RBFOX1: variants seen among roughly 807,000 people sequenced by gnomAD.
The protein encoded by RBFOX1 is RNA binding fox-1 homolog 1.
RBFOX1 carries 8 observed loss-of-function variants against 57.7 expected under a neutral mutation model. That is an observed-to-expected ratio of 0.14 (90% CI 0.08 to 0.25). The LOEUF (loss-of-function observed/expected upper bound fraction) is 0.25, where lower values mean the gene tolerates loss of function less well. RBFOX1 is among the 10% of genes least tolerant of loss of function. The pLI is 1.00. For synonymous variants in RBFOX1, 326 were observed against 222.4 expected, an observed-to-expected ratio of 1.47 and a Z score of -4.15; for missense variants, 611 against 548.5, an observed-to-expected ratio of 1.11 and a Z score of -1.14.
chr16:6,237,651 G>A (rs922363160), intron 1 of RBFOX1, among the ~76,000 whole-genome samples: 2 of 151,610 alleles, frequency 1.3e-5, no homozygotes, highest in Admixed American at 1.3e-4. Context: ...GTGGGGAAGA[G>A]AATTGTTTGA....
At chr16:6,836,598 G>A (rs2093116058) in intron 3 of RBFOX1, among the ~76,000 whole-genome samples, 1 of 152,124 alleles carries the variant, frequency 6.6e-6, no homozygotes, top group Non-Finnish European at 1.5e-5. Flanking sequence ...TTCAAGACTT[G>A]GCTCAAGGGG....
At position 5,854,377 on chromosome 16, in the gene RBFOX1, C is replaced by A. The variant is rs181082662; in HGVS notation, c.319-12926C>A. Among the ~76,000 whole-genome samples, 3 of 152,306 alleles carry A rather than the reference C, an allele frequency of 2.0e-5. No homozygotes were observed. The East Asian group carries it at 5.8e-4, about 29-fold the overall frequency. ...TGCCTGGCAACCATCATTCTAGTCT[C>A]CGCTTTTGTGAGTTAAACTCTTTTA... On this transcript the variant is annotated intron_variant, in intron 3 of 19. Transcript: ENST00000641259.
At chr16:5,495,160 C>T (rs1237249379) in intron 2 of RBFOX1, among the ~76,000 whole-genome samples, 1 of 152,158 alleles carries the variant, frequency 6.6e-6, no homozygotes, top group African/African-American at 2.4e-5. Flanking sequence ...GGGAAGCAGG[C>T]ACATCTTTAC....
rs139959481 is a variant in RBFOX1, at chr16:6,931,340, T to TCTATCTAC, written c.-15-120717_-15-120716insCTATCTAC. On this transcript the variant is annotated intron_variant, in intron 3 of 15. Transcript: ENST00000550418. ...ATCTATCTATCTATCTATCTATCTCTACACACACACACACACACACACATA... is the reference window on the plus strand; with the variant it reads ...ATCTATCTATCTATCTATCTATCTCTCTATCTACACACACACACACACACACACACATA... Among the ~76,000 whole-genome samples, 144 of 106,974 alleles carry TCTATCTAC rather than the reference T, an allele frequency of 1.3e-3. 2 individuals are homozygous for TCTATCTAC. Among genetic ancestry groups the TCTATCTAC allele is most frequent in the African/African-American group, 3.7e-3 (111 of 30,190 alleles). The allele number at this position is 106,974 out of a possible 152,430, so 70.2% of individuals were successfully genotyped here. A position where few individuals can be genotyped will look rare whatever the true frequency, so the allele number is the denominator to read the frequency against.
intron 4 of RBFOX1, among the ~76,000 whole-genome samples, chr16:7,204,275 G>C (rs976913902): frequency 6.6e-6 from 1 of 152,158 alleles, no homozygotes; most frequent in African/African-American, 2.4e-5. Context: ...ATCACTCAAG[G>C]CCATTGTGTG....
intron 4 of RBFOX1, among the ~76,000 whole-genome samples, chr16:5,999,918 G>T (rs2060566146): frequency 7.8e-6 from 1 of 128,044 alleles, no homozygotes; most frequent in African/African-American, 3.0e-5. Flanking sequence ...GAGTGAAGAA[G>T]GGAAATCAGA....
At chr16:6,675,520 AC>A (rs1280422274) in intron 3 of RBFOX1, among the ~76,000 whole-genome samples, 2 of 152,128 alleles carry the variant, frequency 1.3e-5, no homozygotes, top group African/African-American at 4.8e-5. Context: ...TCATTGCTGA[AC>A]CAGGCCCTGC....
At chr16:6,541,715 T>C (rs1319571206) in intron 2 of RBFOX1, among the ~76,000 whole-genome samples, 2 of 152,200 alleles carry the variant, frequency 1.3e-5, no homozygotes, top group African/African-American at 2.4e-5. Flanking sequence ...GAGATGATGG[T>C]AGCTGCTAAG....
At chr16:7,634,399 T>C (rs1259288649) in intron 11 of RBFOX1, among the ~76,000 whole-genome samples, 12 of 151,944 alleles carry the variant, frequency 7.9e-5, no homozygotes, top group South Asian at 2.1e-4. Flanking sequence ...TTTTTTTTTT[T>C]CGAGACTTAA....
At chr16:7,409,012 C>G (rs187070969) in intron 4 of RBFOX1, among the ~76,000 whole-genome samples, 1 of 152,302 alleles carries the variant, frequency 6.6e-6, no homozygotes, top group East Asian at 1.9e-4. Context: ...CCCCTACTTT[C>G]TCCTGGGCTG....
chr16:7,238,535 C>CA (rs2093891683), intron 4 of RBFOX1, among the ~76,000 whole-genome samples: 1 of 79,258 alleles, frequency 1.3e-5, no homozygotes, highest in South Asian at 3.0e-4. Flanking sequence ...CCTTGGGCTA[C>CA]ACACGCACCT....
chr16:5,934,507 C>G (rs1054785120), intron 4 of RBFOX1, among the ~76,000 whole-genome samples: 1 of 152,174 alleles, frequency 6.6e-6, no homozygotes, highest in African/African-American at 2.4e-5. Context: ...CCAAGATATC[C>G]TGGCCTAGTC....
intron 2 of RBFOX1, among the ~76,000 whole-genome samples, chr16:6,376,636 C>T (rs1406569596): frequency 6.6e-6 from 1 of 152,140 alleles, no homozygotes; most frequent in Non-Finnish European, 1.5e-5. Flanking sequence ...GTTTGTGAAA[C>T]CAGCAGTCCT....
chr16:5,334,375 C>G (rs1176019255), intron 1 of RBFOX1, among the ~76,000 whole-genome samples: 4 of 152,072 alleles, frequency 2.6e-5, no homozygotes, highest in Non-Finnish European at 5.9e-5. Flanking sequence ...TTAAGGGGAA[C>G]CTTAAAATGG....
intron 4 of RBFOX1, among the ~76,000 whole-genome samples, chr16:5,902,015 G>T (rs546397547): frequency 2.2e-4 from 34 of 152,244 alleles, no homozygotes; most frequent in African/African-American, 5.5e-4. Context: ...TTATTACTCA[G>T]TTATTCATGT....
chr16:7,540,486 T>G (rs146890489), intron 5 of RBFOX1, among the ~76,000 whole-genome samples: 21 of 152,346 alleles, frequency 1.4e-4, no homozygotes, highest in African/African-American at 4.6e-4. Context: ...ATTAAAGTGT[T>G]TGTCACAGAG....
chr16:6,934,666 A>C (rs1384001199), intron 3 of RBFOX1, among the ~76,000 whole-genome samples: 2 of 152,028 alleles, frequency 1.3e-5, no homozygotes, highest in African/African-American at 4.8e-5. Flanking sequence ...CCATATTCTC[A>C]CTCATATGTG....
chr16:6,147,706 G>T (rs1011392038), intron 1 of RBFOX1, among the ~76,000 whole-genome samples: 1 of 152,112 alleles, frequency 6.6e-6, no homozygotes, highest in African/African-American at 2.4e-5. Context: ...AACATGTTAC[G>T]TTCAACTCAA....
intron 2 of RBFOX1, among the ~76,000 whole-genome samples, chr16:6,493,873 C>G (rs938329142): frequency 2.6e-5 from 4 of 152,152 alleles, no homozygotes; most frequent in Admixed American, 1.3e-4. Flanking sequence ...AACTATGCAA[C>G]GTTAAGTACA....
Sources: gnomAD v4.1 joint callset for allele counts (sites outside exome capture counted in the v4.1 genomes callset) on GRCh38, gnomAD v4.1.1 for gene constraint, MANE v1.5 for transcripts, NCBI Gene and HGNC (gene_info 2026-07-23, HGNC 2026-07-21) for gene names.